Variants in KRT17 observed in about 807,000 individuals in gnomAD.
The protein encoded by KRT17 is keratin 17, also known as keratin, type I cytoskeletal 17.
In KRT17, 29 loss-of-function variants were observed where a neutral mutation model predicts 45.6. That is an observed-to-expected ratio of 0.64 (90% CI 0.47 to 0.87). KRT17 has a LOEUF of 0.87. KRT17 is among the 40% of genes least tolerant of loss of function. The pLI is 0.00. For synonymous variants in KRT17, 219 were observed against 234.6 expected, an observed-to-expected ratio of 0.93 and a Z score of 0.61; for missense variants, 536 against 577.8, an observed-to-expected ratio of 0.93 and a Z score of 0.74.
At chr17:41,622,165 TG>T in intron 3 of KRT17, 189 bp downstream of exon 3, 1 of 732,628 alleles carries the variant, frequency 1.4e-6, no homozygotes, top group African/African-American at 1.7e-5. Context: ...AGAAGCAGTG[TG>T]GTACAAAGAG....
At position 41,622,792 on chromosome 17, in the gene KRT17, C is replaced by T. The variant is rs1908587177; in HGVS notation, c.515+158G>A. On this transcript the variant is annotated intron_variant, in intron 2 of 7. Coordinates refer to ENST00000311208, the MANE Select transcript of KRT17 (RefSeq NM_000422.3). Reference sequence around the variant, plus strand: ...AGCAACCTTCAGAACTGGCTGCCTTCACTGCATCCTGGACTAAGGAGTGGG... The same window carrying T: ...AGCAACCTTCAGAACTGGCTGCCTTTACTGCATCCTGGACTAAGGAGTGGG... 4 of 741,802 alleles carry T rather than the reference C, an allele frequency of 5.4e-6. No individual in the cohort carries two copies. The South Asian group carries it at 6.1e-5, about 11-fold the overall frequency. 46.0% of individuals were successfully genotyped at this position (741,802 alleles called of 1,614,324 possible).
rs370523300 is a variant in KRT17, at chr17:41,623,196, C to T, written c.433-164G>A. On this transcript the variant is annotated intron_variant, in intron 1 of 7. Coordinates refer to ENST00000311208, the MANE Select transcript of KRT17 (RefSeq NM_000422.3). Reference sequence around the variant, plus strand: ...GAGGGGCAAACAGGAGTCTGAAGGGCTGAAAGGTGCCTCTTCTTCCCCCGA... The same window carrying T: ...GAGGGGCAAACAGGAGTCTGAAGGGTTGAAAGGTGCCTCTTCTTCCCCCGA... 2.8e-4 allele frequency: 175 copies of T among 630,224 alleles called. 2 individuals are homozygous for T. The South Asian group carries it at 2.8e-3, about 10-fold the overall frequency. The allele number at this position is 630,224 out of a possible 1,614,324, so 39.0% of individuals were successfully genotyped here.
chr17:41,622,759 C>A, intron 2 of KRT17, 191 bp downstream of exon 2: 1 of 709,766 alleles, frequency 1.4e-6, no homozygotes, highest in South Asian at 1.6e-5. Flanking sequence ...TATTCCCTGC[C>A]TAAGCTCAGC....
At position 41,622,522 on chromosome 17, in the gene KRT17, A is replaced by T. The variant is rs1356184301; in HGVS notation, c.516-11T>A. 3.1e-6 allele frequency: 5 copies of T among 1,612,788 alleles called. No homozygotes were observed. Among genetic ancestry groups the T allele is most frequent in the African/African-American group, 1.3e-5 (1 of 74,886 alleles). On this transcript the variant is annotated splice_polypyrimidine_tract_variant and intron_variant, in intron 2 of 7. Transcript: ENST00000311208. ...TGCTCTGTCTCAAACCTGCCGTGGG[A>T]ATCAGAGACTTCAGCCCAGGCTGCT...
intron 1 of KRT17, among the ~76,000 whole-genome samples, chr17:41,623,765 G>A (rs959660518): frequency 4.0e-5 from 6 of 151,820 alleles, no homozygotes; most frequent in African/African-American, 9.7e-5. Context: ...AGCAGCCCAC[G>A]GGCCCAGCCC....
In KRT17 at chr17:41,622,908, G is replaced by C. The variant is rs9916519; in HGVS notation, c.515+42C>G. 0.38 allele frequency: 592,406 copies of C among 1,541,840 alleles called. 122,511 individuals are homozygous for C. The highest frequency in any genetic ancestry group is 0.65 in the African/African-American group (47,948 of 73,428). On this transcript the variant is annotated intron_variant, in intron 2 of 7. Transcript: ENST00000311208. ...CAGGAGGGGTACCCTGAGATCCTCC[G>C]CCAGCTGGCCCAGGCTGCCCAAGGC...
rs775385085 is a variant in KRT17 at position 41,620,794 on chromosome 17, A to T, written c.1046T>A (p.Val349Glu). ...GCGAAGCTGGGCCAGCTGCTCCTCCACGCTGCCAATCAGCCCCTGGATCTG... is the reference window on the plus strand; with the variant it reads ...GCGAAGCTGGGCCAGCTGCTCCTCCTCGCTGCCAATCAGCCCCTGGATCTG... ...LSQIQGLIGSVEEQLAQLRCE... is the reference protein window; with the variant it reads ...LSQIQGLIGSEEEQLAQLRCE... Residue 349 changes from valine to glutamate, a missense_variant, in exon 6 of 8, where the codon GTG becomes GAG. By Grantham distance (121) the Val-to-Glu change is moderately radical. Transcript: ENST00000311208. 3 of 1,612,976 alleles carry T rather than the reference A, an allele frequency of 1.9e-6. No homozygotes were observed. The South Asian group carries it at 3.3e-5, about 18-fold the overall frequency.
chr17:41,623,845 G>A lies in KRT17; in HGVS notation c.432+233C>T, dbSNP rs1376221243. ...CGGAGCTCCACGAGGGAGAAACTGA[G>A]GCTCCAAGGGGCTCCACAAGGCCTC... On this transcript the variant is annotated intron_variant, in intron 1 of 7. Transcript: ENST00000311208. 2.0e-5 allele frequency among the ~76,000 whole-genome samples: 3 copies of A among 152,328 alleles called. No individual in the cohort carries two copies. In the East Asian group the frequency reaches 5.8e-4, roughly 29 times the overall value.
At position 41,621,676 on chromosome 17, in the gene KRT17, G is replaced by C; in HGVS notation, c.751C>G (p.Arg251Gly). Residue 251 changes from arginine (R) to glycine (G), a missense_variant, in exon 4 of 8, where the codon CGC becomes GGC. Transcript: ENST00000311208. ...TGGTCACGCATCTCGTTGAGGATGC[G>C]GCTCAGGTCCACGCCTGGGGCAGCG... ...MDAAPGVDLS[R>G]ILNEMRDQYE... 6.2e-7 allele frequency: 1 copy of C among 1,612,224 alleles called. No homozygotes were observed. The highest frequency in any genetic ancestry group is 8.5e-7 in the Non-Finnish European group (1 of 1,179,860).
rs748554846 is a variant in KRT17, at chr17:41,620,744, C to T, written c.1096G>A (p.Glu366Lys). Reference sequence around the variant, plus strand: ...TTCACATCCAGCAGGATTTTGTATTCCTGGTTCTGCTGCTCCATCTCGCAG... The same window carrying T: ...TTCACATCCAGCAGGATTTTGTATTTCTGGTTCTGCTGCTCCATCTCGCAG... ...LRCEMEQQNQ[E>K]YKILLDVKTR... Residue 366 changes from glutamate to lysine, a missense_variant, in exon 6 of 8, where the codon GAA (glutamate) becomes AAA (lysine). Transcript: ENST00000311208. 2 of 1,612,458 alleles carry T rather than the reference C, an allele frequency of 1.2e-6. No homozygotes were observed. The highest frequency in any genetic ancestry group is 2.2e-5 in the South Asian group (2 of 90,998).
chr17:41,624,374 C>T lies in KRT17; in HGVS notation c.136G>A (p.Gly46Ser). The T allele has an allele frequency of 6.2e-7, 1 of 1,610,958 alleles. No homozygotes were observed. ...CCCCCGAGGGTGCTGCCCAGGCCGC[C>T]AGCAGATCCCAGCCTGCAGGAGCCG... ...GAGSCRLGSA[G>S]GLGSTLGGSS... The change falls in exon 1 of 8, where the codon GGC becomes AGC. Residue 46 changes from glycine (G) to serine (S), a missense_variant. Transcript: ENST00000311208.
intron 7 of KRT17, chr17:41,620,102 G>C: frequency 1.0e-6 from 1 of 985,250 alleles, no homozygotes; most frequent in Non-Finnish European, 1.2e-6. Context: ...GAACCCTAAG[G>C]CTAGGATCAT....
intron 7 of KRT17, chr17:41,620,234 G>A: frequency 2.0e-6 from 2 of 985,348 alleles, no homozygotes; most frequent in Non-Finnish European, 2.4e-6. Context: ...CAAAGATCAT[G>A]AGACCATGTT....
chr17:41,621,831 G>A, intron 3 of KRT17, 77 bp from the exon 4 acceptor site: 1 of 1,560,256 alleles, frequency 6.4e-7, no homozygotes, highest in Non-Finnish European at 8.8e-7. Flanking sequence ...CCCCACAAGG[G>A]GACCCCACTT....
intron 1 of KRT17, 126 bp from the exon 2 acceptor site, chr17:41,623,158 A>G (rs1281287689): frequency 5.3e-6 from 4 of 757,794 alleles, no homozygotes; most frequent in South Asian, 4.4e-5. Context: ...CCCGTGCTGT[A>G]TTATTGGCAG....
intron 7 of KRT17, chr17:41,620,049 C>T (rs1908485081): frequency 2.0e-6 from 2 of 985,312 alleles, no homozygotes; most frequent in Non-Finnish European, 2.4e-6. Context: ...AGACTGGGAT[C>T]GCCAAGACAA....
chr17:41,621,583 C>T lies in KRT17; in HGVS notation c.834+10G>A. 1.2e-6 allele frequency: 2 copies of T among 1,612,034 alleles called. No individual in the cohort carries two copies. The highest frequency in any genetic ancestry group is 1.7e-6 in the Non-Finnish European group (2 of 1,179,848). ...CCTAAGAGAGCCCTCTGGCCTGCAG[C>T]ACCCCCCACCTTGCTGAAGAACCAA... On this transcript the variant is annotated intron_variant, in intron 4 of 7. Transcript: ENST00000311208.
intron 7 of KRT17, chr17:41,619,899 T>C (rs1316381108): frequency 3.7e-5 from 36 of 985,280 alleles, no homozygotes; most frequent in Admixed American, 6.1e-5. Context: ...GGTGGCCCTG[T>C]GTGAGTCTTG....
chr17:41,621,614 G>C lies in KRT17; in HGVS notation c.813C>G (p.Ala271=), dbSNP rs142566077. 5.5e-5 allele frequency: 88 copies of C among 1,612,028 alleles called. No homozygotes were observed. The highest frequency in any genetic ancestry group is 2.2e-4 in the Middle Eastern group (1 of 4,476). ...EKMAEKNRKD[A]EDWFFSKTEE... is the part of the protein sequence containing the mutation. ...CCACCTTGCTGAAGAACCAATCCTCGGCATCCTTGCGGTTCTTCTCTGCCA... is the reference window on the plus strand; with the variant it reads ...CCACCTTGCTGAAGAACCAATCCTCCGCATCCTTGCGGTTCTTCTCTGCCA... The change falls in exon 4 of 8, where the codon GCC becomes GCG. Residue 271 remains alanine (A), a synonymous_variant. Transcript: ENST00000311208.
Sources: gnomAD v4.1 joint callset for allele counts (sites outside exome capture counted in the v4.1 genomes callset) on GRCh38, gnomAD v4.1.1 for gene constraint, MANE v1.5 for transcripts, NCBI Gene and HGNC (gene_info 2026-07-23, HGNC 2026-07-21) for gene names.